The following UGT1A10 variants were observed in gnomAD, a reference collection of about 807,000 sequenced individuals.
UGT1A10 encodes the protein UDP-glucuronosyltransferase 1A10.
Under a neutral mutation model 45.8 loss-of-function variants are expected in UGT1A10, and 49 were observed. The observed-to-expected ratio is 1.07, with a 90% CI of 0.85 to 1.36. The LOEUF is 1.36. UGT1A10 is among the 40% of genes most tolerant of loss of function. The pLI is 0.00. For missense variants in UGT1A10, 745 were observed against 668.6 expected, an observed-to-expected ratio of 1.11 and a Z score of -1.26; for synonymous variants, 284 against 249.7, an observed-to-expected ratio of 1.14 and a Z score of -1.29.
Position 233,767,908 on chromosome 2 carries a change from T to G in UGT1A10, c.1047T>G (p.Val349=). 6.2e-7 allele frequency: 1 copy of G among 1,614,222 alleles called. No homozygotes were observed. The highest frequency in any genetic ancestry group is 8.5e-7 in the Non-Finnish European group (1 of 1,180,050). ...PSNLANNTIL[V]KWLPQNDLLG... is the part of the protein sequence containing the mutation. ...ATCTTGCGAACAACACGATACTTGTTAAGTGGCTACCCCAAAACGATCTGC... is the reference window on the plus strand; with the variant it reads ...ATCTTGCGAACAACACGATACTTGTGAAGTGGCTACCCCAAAACGATCTGC... The change falls in exon 3 of 5, where the codon GTT becomes GTG. Residue 349 remains valine (V), a synonymous_variant. Transcript: ENST00000344644.
intron 1 of UGT1A10, among the ~76,000 whole-genome samples, chr2:233,716,383 A>G (rs2076502558): frequency 6.6e-6 from 1 of 152,184 alleles, no homozygotes; most frequent in African/African-American, 2.4e-5. Flanking sequence ...TCTGCCTACC[A>G]CAGACACTAA....
chr2:233,732,917 C>T (rs958837276), intron 1 of UGT1A10, among the ~76,000 whole-genome samples: 38 of 152,062 alleles, frequency 2.5e-4, no homozygotes, highest in Non-Finnish European at 3.8e-4. Context: ...GCCATTTTCA[C>T]GATATTGATT....
chr2:233,660,078 T>C (rs2073934446), intron 1 of UGT1A10, among the ~76,000 whole-genome samples: 1 of 152,224 alleles, frequency 6.6e-6, no homozygotes, highest in South Asian at 2.1e-4. Context: ...AGTCCCTTGA[T>C]TGGCTCTGTT....
At chr2:233,683,556 C>T (rs531959268) in intron 1 of UGT1A10, among the ~76,000 whole-genome samples, 121 of 152,220 alleles carry the variant, frequency 7.9e-4, no homozygotes, top group Admixed American at 2.9e-3. Flanking sequence ...GATTGGCCTT[C>T]TTTTGCTATT....
At chr2:233,747,496 G>A in intron 1 of UGT1A10, 1 of 1,608,732 alleles carries the variant, frequency 6.2e-7, no homozygotes, top group Non-Finnish European at 8.5e-7. Context: ...CTTGTGCTGG[G>A]CCACACTCAA....
Position 233,769,174 on chromosome 2 carries a change from G to T in UGT1A10, c.1295+735G>T, listed in dbSNP as rs1699806573. ...ACCTGTGAGAAATTTTGTCCATGGA[G>T]TTTATGAATGAAGGAGCTATAAGAT... On this transcript the variant is annotated intron_variant, in intron 4 of 4. Coordinates refer to ENST00000344644, the MANE Select transcript of UGT1A10 (RefSeq NM_019075.4). This position sits in a 1 kb window ranked among gnomAD's most constrained non-coding sequence, Gnocchi z 4.4. Among the ~76,000 whole-genome samples, 1 of 152,206 alleles carries T rather than the reference G, an allele frequency of 6.6e-6. No individual in the cohort carries two copies. Among genetic ancestry groups the T allele is most frequent in the Non-Finnish European group, 1.5e-5 (1 of 68,044 alleles).
chr2:233,747,917 C>T, intron 1 of UGT1A10: 6 of 1,613,510 alleles, frequency 3.7e-6, no homozygotes, highest in Non-Finnish European at 5.1e-6. Flanking sequence ...CAAGCCTTGC[C>T]TCTGAGCTTT....
intron 1 of UGT1A10, among the ~76,000 whole-genome samples, chr2:233,664,558 T>G (rs1051817716): frequency 6.6e-6 from 1 of 152,212 alleles, no homozygotes; most frequent in African/African-American, 2.4e-5. Flanking sequence ...GAGTGTTTAC[T>G]CATGGTAGAA....
intron 1 of UGT1A10, chr2:233,754,955 G>A (rs767638744): frequency 7.6e-6 from 10 of 1,314,252 alleles, no homozygotes; most frequent in South Asian, 1.1e-5. Context: ...GGTCCCGGCC[G>A]CCAAAGAACT....
intron 1 of UGT1A10, chr2:233,708,409 T>C (rs1215393625): frequency 6.6e-6 from 1 of 152,208 alleles, no homozygotes; most frequent in East Asian, 1.9e-4. Flanking sequence ...CATCAAGTTG[T>C]TTCACCAGTG....
At chr2:233,691,095 C>T in intron 1 of UGT1A10, 1 of 986,058 alleles carries the variant, frequency 1.0e-6, no homozygotes, top group African/African-American at 1.7e-5. Flanking sequence ...ATCTCTTGAT[C>T]CCGCTATTCC....
chr2:233,637,161 C>T lies in UGT1A10; in HGVS notation c.639C>T (p.His213=). 6.2e-7 allele frequency: 1 copy of T among 1,613,958 alleles called. No individual in the cohort carries two copies. The highest frequency in any genetic ancestry group is 8.5e-7 in the Non-Finnish European group (1 of 1,179,854). The part of the protein sequence containing the change: ...FKERVWNHIV[H]LEDHLFCQYL... ...AGAGAGTATGGAACCACATCGTGCA[C>T]TTGGAGGACCATTTATTTTGCCAGT... Residue 213 remains histidine, a synonymous_variant, in exon 1 of 5, where the codon CAC becomes CAT. Transcript: ENST00000344644.
intron 1 of UGT1A10, among the ~76,000 whole-genome samples, chr2:233,749,521 C>T (rs1559394435): frequency 6.6e-6 from 1 of 151,908 alleles, no homozygotes; most frequent in East Asian, 1.9e-4. Flanking sequence ...ACTAGCAAGG[C>T]TAATTTTCGA....
chr2:233,694,661 G>T (rs1365706978), intron 1 of UGT1A10, among the ~76,000 whole-genome samples: 2 of 152,122 alleles, frequency 1.3e-5, no homozygotes, highest in African/African-American at 4.8e-5. Context: ...TTTTATCAGA[G>T]AGAAAGCCTC....
chr2:233,745,019 T>C (rs1692990004), intron 1 of UGT1A10, among the ~76,000 whole-genome samples: 1 of 151,908 alleles, frequency 6.6e-6, no homozygotes, highest in Non-Finnish European at 1.5e-5. Context: ...ATGTAAATGC[T>C]ATGTAAATAG....
Position 233,719,098 on chromosome 2 carries a change from C to T in UGT1A10, c.856-47936C>T, listed in dbSNP as rs188914242. 5.5e-5 allele frequency: 89 copies of T among 1,614,240 alleles called. 1 individual carries two copies. In the Admixed American group the frequency reaches 7.3e-4, roughly 13 times the overall value. On this transcript the variant is annotated intron_variant, in intron 1 of 4. Coordinates refer to ENST00000344644, the MANE Select transcript of UGT1A10 (RefSeq NM_019075.4). Reference sequence around the variant, plus strand: ...ACCCAGAAGGAATTTGATCGCGTTACGCTGGGCTACACTCAAGGGTTCTTT... The same window carrying T: ...ACCCAGAAGGAATTTGATCGCGTTATGCTGGGCTACACTCAAGGGTTCTTT...
chr2:233,671,706 A>T, intron 1 of UGT1A10: 1 of 926,240 alleles, frequency 1.1e-6, no homozygotes, highest in Non-Finnish European at 1.5e-6. Flanking sequence ...CCCAAGGCAA[A>T]GACCATAAGC....
intron 1 of UGT1A10, among the ~76,000 whole-genome samples, chr2:233,654,332 C>T (rs2073806687): frequency 6.6e-6 from 1 of 152,154 alleles, no homozygotes; most frequent in South Asian, 2.1e-4. Context: ...TTTCAGAATT[C>T]AACCTTCAGG....
chr2:233,693,250 T>C lies in UGT1A10; in HGVS notation c.855+55873T>C, dbSNP rs139492272. The C allele has an allele frequency of 2.5e-6, 4 of 1,614,198 alleles. No individual in the cohort carries two copies. The African/African-American group carries it at 4.0e-5, about 16-fold the overall frequency. On this transcript the variant is annotated intron_variant, in intron 1 of 4. Coordinates refer to ENST00000344644, the MANE Select transcript of UGT1A10 (RefSeq NM_019075.4). ...CAAGAAAAATCTATCCAGTGCCGTA[T>C]GACCAAGAAGAGCTGAAGAACCGTT...
Sources: allele counts gnomAD v4.1 joint callset (sites outside exome capture counted in the v4.1 genomes callset), GRCh38; gene constraint gnomAD v4.1.1; non-coding constraint Gnocchi (gnomAD v3.1); transcripts MANE v1.5; gene names NCBI Gene and HGNC (gene_info 2026-07-23, HGNC 2026-07-21).